ATG4C: variants seen among roughly 807,000 people sequenced by gnomAD.
The protein encoded by ATG4C is cysteine protease ATG4C.
Under a neutral mutation model 57.6 loss-of-function variants are expected in ATG4C, and 56 were observed. The ratio of observed to expected loss-of-function variants is 0.97; its 90% CI spans 0.78 to 1.21. ATG4C has a LOEUF of 1.21. Ranked by LOEUF, ATG4C falls within the 50% of genes most tolerant of loss-of-function variation. The probability of loss-of-function intolerance (pLI) is 0.00; values close to 1 mark genes in which losing one functional copy is unlikely to be tolerated. For missense variants in ATG4C, 595 were observed against 529.8 expected (o/e 1.12, Z -1.21); for synonymous variants, 157 against 174.1 (o/e 0.90, Z 0.78).
At chr1:62,793,819 ACT>A (rs2100281678) in intron 1 of ATG4C, among the ~76,000 whole-genome samples, 1 of 148,430 alleles carries the variant, frequency 6.7e-6, no homozygotes, top group South Asian at 2.2e-4. Flanking sequence ...TCTATATAAG[ACT>A]CTATAAGTCT....
intron 10 of ATG4C, among the ~76,000 whole-genome samples, chr1:62,860,320 AAAT>A (rs1184784557): frequency 4.6e-5 from 7 of 152,236 alleles, no homozygotes. Context: ...GTACACTCTA[AAAT>A]AATAAAAAAT....
At chr1:62,851,109 A>T (rs1156544990) in intron 10 of ATG4C, among the ~76,000 whole-genome samples, 1 of 151,798 alleles carries the variant, frequency 6.6e-6, no homozygotes, top group Admixed American at 6.6e-5. Context: ...AAGTTGTCTT[A>T]TAAGTTAGTA....
chr1:62,806,593 G>C (rs1223223295), intron 3 of ATG4C, among the ~76,000 whole-genome samples: 2 of 152,020 alleles, frequency 1.3e-5, no homozygotes, highest in Non-Finnish European at 2.9e-5. Context: ...CTATGAATGA[G>C]GGAAATAGAA....
chr1:62,832,324 C>T (rs1336536460), intron 7 of ATG4C, among the ~76,000 whole-genome samples: 1 of 152,098 alleles, frequency 6.6e-6, no homozygotes, highest in Admixed American at 6.6e-5. Flanking sequence ...GCTGCTGTAA[C>T]AGAATACTGG....
At chr1:62,833,975 TTG>T in intron 7 of ATG4C, 61 bp from the exon 8 acceptor site, 1 of 1,395,864 alleles carries the variant, frequency 7.2e-7, no homozygotes, top group Non-Finnish European at 1.0e-6. Flanking sequence ...TAATAGAAAT[TTG>T]TTTGCTTTGA....
intron 7 of ATG4C, 92 bp downstream of exon 7, chr1:62,829,268 G>A (rs1485566122): frequency 7.1e-7 from 1 of 1,406,790 alleles, no homozygotes; most frequent in African/African-American, 1.4e-5. Flanking sequence ...AATGAGTAGT[G>A]ATGATTTTGT....
intron 1 of ATG4C, among the ~76,000 whole-genome samples, chr1:62,796,178 G>T (rs1664457157): frequency 7.1e-6 from 1 of 141,674 alleles, no homozygotes; most frequent in African/African-American, 2.6e-5. Flanking sequence ...TTTAACAAAA[G>T]CAGGCAAGCG....
chr1:62,854,898 G>A (rs866957828), intron 10 of ATG4C, among the ~76,000 whole-genome samples: 8 of 152,214 alleles, frequency 5.3e-5, no homozygotes, highest in South Asian at 2.1e-4. Context: ...GGAGCAGGAA[G>A]TGAAGGATAC....
At chr1:62,796,471 A>T (rs1482303205) in intron 1 of ATG4C, among the ~76,000 whole-genome samples, 2 of 152,124 alleles carry the variant, frequency 1.3e-5, no homozygotes, top group Non-Finnish European at 2.9e-5. Context: ...AAATGTTCAC[A>T]TGACTAAATA....
Position 62,856,912 on chromosome 1 carries a change from T to C in ATG4C, c.1210-7080T>C, listed in dbSNP as rs749548018. ...AGTAAAACCCAAATCATGTGTTAAT[T>C]TGGCTTACAGGGACCTGAGTGATCT... On this transcript the variant is annotated intron_variant, in intron 10 of 10. Transcript: ENST00000317868. Among the ~76,000 whole-genome samples, 37 of 152,234 alleles carry C rather than the reference T, an allele frequency of 2.4e-4. No homozygotes were observed. The South Asian group carries it at 2.5e-3, about 10-fold the overall frequency.
chr1:62,817,531 G>A (rs1323992185), intron 4 of ATG4C, among the ~76,000 whole-genome samples: 1 of 152,022 alleles, frequency 6.6e-6, no homozygotes, highest in Non-Finnish European at 1.5e-5. Flanking sequence ...TTTTTTTGTA[G>A]AGATGTGGTC....
chr1:62,792,427 G>A (rs956863804), intron 1 of ATG4C, among the ~76,000 whole-genome samples: 5 of 152,220 alleles, frequency 3.3e-5, no homozygotes, highest in Non-Finnish European at 4.4e-5. Flanking sequence ...GGATAGGGAG[G>A]TTAGGAGGTA....
At position 62,816,689 on chromosome 1, in the gene ATG4C, G is replaced by A. The variant is rs151269621; in HGVS notation, c.275G>A (p.Arg92Lys). 4.0e-5 allele frequency: 65 copies of A among 1,613,738 alleles called. No individual in the cohort carries two copies. The highest frequency in any genetic ancestry group is 3.3e-4 in the Middle Eastern group (2 of 6,082). Reference sequence around the variant, plus strand: ...ATTTCTAGAATATGGCTGACCTACAGGGAAGAATTCCCTCAAATAGAAGGC... The same window carrying A: ...ATTTCTAGAATATGGCTGACCTACAAGGAAGAATTCCCTCAAATAGAAGGC... ...DFISRIWLTY[R>K]EEFPQIEGSA... Residue 92 changes from arginine to lysine, a missense_variant, in exon 4 of 11, where the codon AGG becomes AAG. Arg to Lys is a conservative substitution (Grantham distance 26). Coordinates refer to ENST00000317868, the MANE Select transcript of ATG4C (RefSeq NM_032852.4).
chr1:62,813,358 C>T (rs983386430), intron 3 of ATG4C, among the ~76,000 whole-genome samples: 3 of 152,236 alleles, frequency 2.0e-5, no homozygotes, highest in Middle Eastern at 3.4e-3. Context: ...GAATGGATTC[C>T]CTATTTAATA....
intron 10 of ATG4C, among the ~76,000 whole-genome samples, chr1:62,853,754 T>C (rs964859043): frequency 1.3e-5 from 2 of 152,208 alleles, no homozygotes; most frequent in African/African-American, 4.8e-5. Flanking sequence ...CCAGTTACAA[T>C]TATTTATCCC....
chr1:62,851,503 C>T (rs1461231598), intron 10 of ATG4C, among the ~76,000 whole-genome samples: 1 of 152,098 alleles, frequency 6.6e-6, no homozygotes, highest in East Asian at 1.9e-4. Context: ...GAAACTGTAA[C>T]TTTAAGTGAA....
chr1:62,841,485 A>C lies in ATG4C; in HGVS notation c.1147A>C (p.Thr383Pro). ...MSFRKMDPSC[T>P]IGFYCRNVQD... ...TTTTCGAAAAATGGATCCCAGCTGT[A>C]CAATAGGATTTTACTGTCGAAATGT... Residue 383 changes from threonine to proline, a missense_variant, in exon 10 of 11, where the codon ACA becomes CCA. Transcript: ENST00000317868. 6.2e-7 allele frequency: 1 copy of C among 1,607,562 alleles called. No homozygotes were observed. Among genetic ancestry groups the C allele is most frequent in the Non-Finnish European group, 8.5e-7 (1 of 1,176,352 alleles).
chr1:62,861,159 A>T (rs1666837636), intron 10 of ATG4C, among the ~76,000 whole-genome samples: 1 of 152,226 alleles, frequency 6.6e-6, no homozygotes, highest in Non-Finnish European at 1.5e-5. Flanking sequence ...CCCTTTTAAA[A>T]AACAACTATG....
chr1:62,864,240 T>A lies in ATG4C; in HGVS notation c.*81T>A. 8.9e-7 allele frequency: 1 copy of A among 1,118,240 alleles called. No individual in the cohort carries two copies. Among genetic ancestry groups the A allele is most frequent in the Non-Finnish European group, 1.3e-6 (1 of 793,682 alleles). The allele number at this position is 1,118,240 out of a possible 1,614,324, so 69.3% of individuals were successfully genotyped here. ...GAGAAACAAGTATATCTGAAATGTTTATTTTCACAAATATCTTAATTTTAT... is the reference window on the plus strand; with the variant it reads ...GAGAAACAAGTATATCTGAAATGTTAATTTTCACAAATATCTTAATTTTAT... On this transcript the variant is annotated 3_prime_UTR_variant, in exon 11 of 11. Transcript: ENST00000317868.
Sources: allele counts gnomAD v4.1 joint callset (sites outside exome capture counted in the v4.1 genomes callset), GRCh38; gene constraint gnomAD v4.1.1; transcripts MANE v1.5; gene names NCBI Gene and HGNC (gene_info 2026-07-23, HGNC 2026-07-21).